The following C4BPB variants were observed in gnomAD, a reference collection of about 807,000 sequenced individuals.
C4BPB encodes the protein C4b-binding protein beta chain.
Under a neutral mutation model 26.6 loss-of-function variants are expected in C4BPB, and 19 were observed. That is an observed-to-expected ratio of 0.71 (90% confidence interval 0.50 to 1.05). C4BPB has a LOEUF of 1.05. Ranked by LOEUF, C4BPB falls within the 50% of genes least tolerant of loss-of-function variation. The pLI is 0.00. For synonymous variants in C4BPB, 118 were observed against 103.5 expected, an observed-to-expected ratio of 1.14 and a Z score of -0.85; for missense variants, 282 against 302.9, an observed-to-expected ratio of 0.93 and a Z score of 0.51.
Position 207,097,104 on chromosome 1 carries a change from C to T in C4BPB, c.503+489C>T, listed in dbSNP as rs2102314382. ...ATGAGAATCGCTTGAACCCAGGAGG[C>T]GGAGGTTGCAGTGAGCCTAGATGGC... is the stretch of plus-strand genomic sequence containing the variant. On this transcript the variant is annotated intron_variant, in intron 5 of 6. Coordinates refer to ENST00000367078, the MANE Select transcript of C4BPB (RefSeq NM_001017365.3). Among the ~76,000 whole-genome samples, 3 of 152,244 alleles carry T rather than the reference C, an allele frequency of 2.0e-5. No individual in the cohort carries two copies. In the Middle Eastern group the frequency reaches 0.01, roughly 518 times the overall value.
chr1:207,099,720 C>G, intron 6 of C4BPB, 69 bp from the exon 7 acceptor site: 2 of 1,374,256 alleles, frequency 1.5e-6, no homozygotes, highest in Non-Finnish European at 2.0e-6. Flanking sequence ...CTGCTGCTCA[C>G]TGGCTTCAGA....
In C4BPB at chr1:207,091,677, G is replaced by C. The variant is rs907003573; in HGVS notation, c.266G>C (p.Gly89Ala). ...TGTCCTGATCCTGTGCTGGTGAATG[G>C]AGAGTTCAGTTCTTCAGGGCCTGTG... ...GHCPDPVLVN[G>A]EFSSSGPVNV... Residue 89 changes from glycine (G) to alanine (A), a missense_variant, in exon 4 of 7, where the codon GGA becomes GCA. By Grantham distance (60) the Gly-to-Ala change is moderately conservative. Coordinates refer to ENST00000367078, the MANE Select transcript of C4BPB (RefSeq NM_001017365.3). 17 of 1,613,892 alleles carry C rather than the reference G, an allele frequency of 1.1e-5. No individual in the cohort carries two copies. Among genetic ancestry groups the C allele is most frequent in the Non-Finnish European group, 1.4e-5 (16 of 1,179,994 alleles).
chr1:207,095,646 A>C, intron 4 of C4BPB: 1 of 339,328 alleles, frequency 2.9e-6, no homozygotes, highest in Non-Finnish European at 5.8e-6. Context: ...TTTTTCTGAT[A>C]CTCTCTTTGA....
chr1:207,089,367 A>T, intron 1 of C4BPB, 115 bp from the exon 2 acceptor site: 1 of 586,284 alleles, frequency 1.7e-6, no homozygotes, highest in African/African-American at 1.9e-5. Context: ...CTGTCGTAAG[A>T]TTTTTTCTTT....
chr1:207,096,178 T>G, intron 4 of C4BPB: 1 of 293,788 alleles, frequency 3.4e-6, no homozygotes. Flanking sequence ...CCTTCACCTA[T>G]GGCCCAATTT....
At chr1:207,089,623 C>T in intron 2 of C4BPB, 34 bp downstream of exon 2, 1 of 1,592,430 alleles carries the variant, frequency 6.3e-7, no homozygotes. Context: ...AGCTTACAGG[C>T]ATTTGGTGTC....
In C4BPB at chr1:207,089,563, T is replaced by C; in HGVS notation, c.32T>C (p.Val11Ala). 1 of 1,614,142 alleles carries C rather than the reference T, an allele frequency of 6.2e-7. No homozygotes were observed. Among genetic ancestry groups the C allele is most frequent in the Non-Finnish European group, 8.5e-7 (1 of 1,180,002 alleles). Residue 11 changes from valine to alanine, a missense_variant, in exon 2 of 7, where the codon GTT (valine) becomes GCT (alanine). Physicochemically the swap from Val to Ala is moderately conservative, Grantham distance 64. Coordinates refer to ENST00000367078, the MANE Select transcript of C4BPB (RefSeq NM_001017365.3). ...TTTTGGTGTGCGTGCTGTCTTATGG[T>C]TGCGTGGCGAGTTTCTGCTTCAGAT... is the stretch of plus-strand genomic sequence containing the variant. MFFWCACCLMVAWRVSASDAE... is the reference protein window; with the variant it reads MFFWCACCLMAAWRVSASDAE...
In C4BPB at chr1:207,091,751, A is replaced by G. The variant is rs758087191; in HGVS notation, c.340A>G (p.Lys114Glu). The change falls in exon 4 of 7, where the codon AAG becomes GAG. Residue 114 changes from lysine (K) to glutamate (E), a missense_variant. Lys to Glu is a moderately conservative substitution (Grantham distance 56, BLOSUM62 1). Transcript: ENST00000367078. ...TATGTGCAATGACCACTACATCCTCAAGGGCAGCAATCGGAGCCAGTGTCT... is the reference window on the plus strand; with the variant it reads ...TATGTGCAATGACCACTACATCCTCGAGGGCAGCAATCGGAGCCAGTGTCT... ...TFMCNDHYIL[K>E]GSNRSQCLED... The G allele has an allele frequency of 6.2e-7, 1 of 1,614,170 alleles. No homozygotes were observed.
intron 2 of C4BPB, 104 bp from the exon 3 acceptor site, chr1:207,090,203 CA>C (rs1470815313): frequency 1.1e-6 from 1 of 894,730 alleles, no homozygotes; most frequent in East Asian, 2.7e-5. Flanking sequence ...GCACAGGAAT[CA>C]GGATCAATAA....
At chr1:207,092,649 A>G (rs902145415) in intron 4 of C4BPB, among the ~76,000 whole-genome samples, 17 of 133,756 alleles carry the variant, frequency 1.3e-4, no homozygotes, top group African/African-American at 4.7e-4. Context: ...TTTTTTTGAG[A>G]TGGAGTCTTA....
chr1:207,095,959 A>G lies in C4BPB; in HGVS notation c.410-563A>G, dbSNP rs1684234490. On this transcript the variant is annotated intron_variant, in intron 4 of 6. Coordinates refer to ENST00000367078, the MANE Select transcript of C4BPB (RefSeq NM_001017365.3). The stretch of plus-strand genomic sequence containing the variant: ...CGAGGCCTCCCCAGAAGCCGAGCAG[A>G]TGCCAGCACCATGTTTCCTGTACAG... 2.3e-5 allele frequency: 4 copies of G among 171,254 alleles called. No individual in the cohort carries two copies. In the South Asian group the frequency reaches 3.9e-4, roughly 17 times the overall value. The allele number at this position is 171,254 out of a possible 1,614,324, so 10.6% of individuals were successfully genotyped here. A position where few individuals can be genotyped will look rare whatever the true frequency, so the allele number is the denominator to read the frequency against.
At position 207,089,516 on chromosome 1, in the gene C4BPB, G is replaced by A. The variant is rs1683936626; in HGVS notation, c.-16G>A. On this transcript the variant is annotated 5_prime_UTR_variant, in exon 2 of 7. Transcript: ENST00000367078. ...CTGGGTGAATTCCAGCCTGGGGAGA[G>A]GACTTTGATCACCAGATGTTTTTTT... 6.2e-7 allele frequency: 1 copy of A among 1,613,656 alleles called. No individual in the cohort carries two copies. Among genetic ancestry groups the A allele is most frequent in the Non-Finnish European group, 8.5e-7 (1 of 1,179,638 alleles).
chr1:207,096,423 A>C, intron 4 of C4BPB, 99 bp from the exon 5 acceptor site: 1 of 759,316 alleles, frequency 1.3e-6, no homozygotes, highest in Admixed American at 1.9e-5. Context: ...TGTTGCTCTG[A>C]GGCTGTCAGG....
intron 3 of C4BPB, 119 bp from the exon 4 acceptor site, chr1:207,091,525 A>C (rs1227612888): frequency 4.2e-6 from 3 of 722,382 alleles, no homozygotes; most frequent in Non-Finnish European, 4.7e-6. Flanking sequence ...CACTCAATTA[A>C]AAATGTGCAG....
At chr1:207,097,835 G>T in intron 5 of C4BPB, 1 of 200,638 alleles carries the variant, frequency 5.0e-6, no homozygotes, top group Non-Finnish European at 1.0e-5. Flanking sequence ...GCCTTTTTAG[G>T]TTATTGAATG....
chr1:207,089,104 G>A (rs1299409623), intron 1 of C4BPB, 158 bp downstream of exon 1: 1 of 169,754 alleles, frequency 5.9e-6, no homozygotes, highest in Admixed American at 5.9e-5. Context: ...CCCAGTGCTG[G>A]CCAGAGTTAC....
chr1:207,097,540 TAAAAAA>T (rs36078505), intron 5 of C4BPB, among the ~76,000 whole-genome samples: 53 of 115,856 alleles, frequency 4.6e-4, no homozygotes, highest in African/African-American at 1.5e-3. Flanking sequence ...TATGTTTTTC[TAAAAAA>T]AAAAAAAAAA....
rs1684165955 is a variant in C4BPB, at chr1:207,094,454, G to A, written c.410-2068G>A. Among the ~76,000 whole-genome samples the A allele has an allele frequency of 4.6e-5, 7 of 152,240 alleles. No homozygotes were observed. In the South Asian group the frequency reaches 1.2e-3, roughly 27 times the overall value. On this transcript the variant is annotated intron_variant, in intron 4 of 6. Coordinates refer to ENST00000367078, the MANE Select transcript of C4BPB (RefSeq NM_001017365.3). ...ACAGTTAAATTACATGCATATAATA[G>A]CATTTTATGTCATTAGCTTGACACA... is the stretch of plus-strand genomic sequence containing the variant.
At chr1:207,091,969 T>C (rs1684045394) in intron 4 of C4BPB, 149 bp downstream of exon 4, 3 of 640,062 alleles carry the variant, frequency 4.7e-6, no homozygotes, top group Admixed American at 3.2e-5. Context: ...CAAGTGGAGC[T>C]CACAGAACCA....
Sources: allele counts gnomAD v4.1 joint callset (sites outside exome capture counted in the v4.1 genomes callset), GRCh38; gene constraint gnomAD v4.1.1; transcripts MANE v1.5; gene names NCBI Gene and HGNC (gene_info 2026-07-23, HGNC 2026-07-21).